The following PCDHA3 variants were observed in gnomAD, a reference collection of about 807,000 sequenced individuals.
The protein encoded by PCDHA3 is protocadherin alpha-3.
A neutral mutation model predicts 62.2 loss-of-function variants in PCDHA3; 41 were observed. That is an observed-to-expected ratio of 0.66 (90% confidence interval 0.51 to 0.86). The LOEUF (loss-of-function observed/expected upper bound fraction) is 0.86, where lower values mean the gene tolerates loss of function less well. Ranked by LOEUF, PCDHA3 falls within the 40% of genes least tolerant of loss-of-function variation. PCDHA3 has a pLI of 0.00. For synonymous variants in PCDHA3, 640 were observed against 555.4 expected (o/e 1.15, Z -2.14); for missense variants, 1,304 against 1,241.2 (o/e 1.05, Z -0.76).
chr5:140,871,298 C>G (rs987284077), intron 1 of PCDHA3: 1 of 1,613,894 alleles, frequency 6.2e-7, no homozygotes, highest in Non-Finnish European at 8.5e-7. Flanking sequence ...GGCGCGTGCG[C>G]GCCGGGGAAG....
Position 140,851,603 on chromosome 5 carries a change from A to C in PCDHA3, c.2394+48012A>C, listed in dbSNP as rs1213150378. 1.6e-5 allele frequency: 15 copies of C among 916,732 alleles called. No individual in the cohort carries two copies. In the African/African-American group the frequency reaches 2.5e-4, roughly 15 times the overall value. The allele number at this position is 916,732 out of a possible 1,614,324, so 56.8% of individuals were successfully genotyped here. On this transcript the variant is annotated intron_variant, in intron 1 of 3. Coordinates refer to ENST00000522353, the MANE Select transcript of PCDHA3 (RefSeq NM_018906.3). ...ACATTTTTTGAAATTCAGTTTACAG[A>C]AATTGGAGAAAATGCTTTTTAAACA...
intron 1 of PCDHA3, chr5:140,856,917 G>T: frequency 6.3e-7 from 1 of 1,595,592 alleles, no homozygotes; most frequent in South Asian, 1.1e-5. Flanking sequence ...ACGATAAGAA[G>T]GAAATTTTGG....
intron 1 of PCDHA3, among the ~76,000 whole-genome samples, chr5:140,881,902 A>T (rs2058862295): frequency 6.6e-6 from 1 of 152,262 alleles, no homozygotes; most frequent in African/African-American, 2.4e-5. Flanking sequence ...GTCAGCTAAT[A>T]TAAAATGTTG....
chr5:140,969,305 A>C (rs1481597194), intron 1 of PCDHA3: 1 of 1,614,206 alleles, frequency 6.2e-7, no homozygotes, highest in East Asian at 2.2e-5. Flanking sequence ...GATTATTCTC[A>C]AAAATGAGGC....
At chr5:140,924,901 A>AATAAAATAAAAT (rs145282866) in intron 1 of PCDHA3, among the ~76,000 whole-genome samples, 7 of 80,504 alleles carry the variant, frequency 8.7e-5, no homozygotes, top group Middle Eastern at 6.1e-3. Context: ...TCTCAAAAAA[A>AATAAAATAAAAT]AAAATAAAAT....
chr5:140,998,017 C>T (rs555584429), intron 3 of PCDHA3, among the ~76,000 whole-genome samples: 67 of 152,292 alleles, frequency 4.4e-4, no homozygotes, highest in African/African-American at 1.4e-3. Context: ...ATCCCCACCT[C>T]GAGCTAGTGC....
At chr5:140,851,088 A>G in intron 1 of PCDHA3, 2 of 1,298,258 alleles carry the variant, frequency 1.5e-6, no homozygotes, top group Non-Finnish European at 2.0e-6. Flanking sequence ...TGTATATTAA[A>G]TAGATATTTT....
intron 1 of PCDHA3, among the ~76,000 whole-genome samples, chr5:140,922,015 A>G (rs1563050158): frequency 6.6e-6 from 1 of 152,098 alleles, no homozygotes; most frequent in Non-Finnish European, 1.5e-5. Context: ...AGTTTAAAAA[A>G]ATAAATATAA....
intron 1 of PCDHA3, chr5:140,842,821 C>A (rs782174276): frequency 1.9e-6 from 3 of 1,593,534 alleles, no homozygotes; most frequent in East Asian, 2.2e-5. Context: ...GGCGGGTGGG[C>A]GAGCGCTCGC....
At chr5:140,861,743 C>T in intron 1 of PCDHA3, 1 of 152,806 alleles carries the variant, frequency 6.5e-6, no homozygotes, top group Non-Finnish European at 1.4e-5. Context: ...CATACTGTGC[C>T]GCAATGATTA....
Position 140,804,963 on chromosome 5 carries a change from C to A in PCDHA3, c.2394+1372C>A, listed in dbSNP as rs371131185. The A allele has an allele frequency of 1.8e-4, 252 of 1,439,372 alleles. 1 individual carries two copies. In the East Asian group the frequency reaches 2.1e-3, roughly 12 times the overall value. The allele number at this position is 1,439,372 out of a possible 1,614,324, so 89.2% of individuals were successfully genotyped here. A position where few individuals can be genotyped will look rare whatever the true frequency, so the allele number is the denominator to read the frequency against. On this transcript the variant is annotated intron_variant, in intron 1 of 3. Transcript: ENST00000522353. ...TGCTCCCTTGTCCATGAAGTAGTAG[C>A]CATAGTGTGTCCATCTCAGGTCAGT...
At chr5:140,976,330 T>C (rs139191853) in intron 1 of PCDHA3, among the ~76,000 whole-genome samples, 1 of 152,088 alleles carries the variant, frequency 6.6e-6, no homozygotes, top group Non-Finnish European at 1.5e-5. Flanking sequence ...GAGGGTGGAT[T>C]GCCTGAGGTC....
intron 1 of PCDHA3, among the ~76,000 whole-genome samples, chr5:140,971,680 A>C (rs185214999): frequency 1.1e-4 from 17 of 152,268 alleles, no homozygotes; most frequent in African/African-American, 4.1e-4. Context: ...AGAGTAAGGG[A>C]ATTTGTACTC....
At chr5:140,974,905 A>G (rs1276795577) in intron 1 of PCDHA3, among the ~76,000 whole-genome samples, 2 of 152,208 alleles carry the variant, frequency 1.3e-5, no homozygotes, top group African/African-American at 4.8e-5. Context: ...TTTGTAACAA[A>G]TTACCACAAG....
At chr5:140,855,644 T>C (rs1324111294) in intron 1 of PCDHA3, among the ~76,000 whole-genome samples, 7 of 149,848 alleles carry the variant, frequency 4.7e-5, no homozygotes, top group African/African-American at 1.7e-4. Flanking sequence ...TTGATAATCA[T>C]GTGGTTAGGG....
intron 1 of PCDHA3, chr5:140,967,037 G>C (rs1429896772): frequency 2.5e-6 from 4 of 1,611,378 alleles, no homozygotes; most frequent in South Asian, 1.1e-5. Flanking sequence ...GCGCTACCTG[G>C]AGCTGGACCT....
intron 1 of PCDHA3, chr5:140,851,511 T>C (rs2042080638): frequency 2.8e-5 from 25 of 901,700 alleles, no homozygotes; most frequent in Non-Finnish European, 3.2e-5. Flanking sequence ...ATATAAAATA[T>C]GTTTTAAAAT....
Position 140,801,735 on chromosome 5 carries a change from T to A in PCDHA3, c.538T>A (p.Leu180Met), listed in dbSNP as rs371671577. The A allele has an allele frequency of 8.1e-6, 13 of 1,613,984 alleles. No individual in the cohort carries two copies. The highest frequency in any genetic ancestry group is 1.1e-5 in the Non-Finnish European group (13 of 1,180,024). Residue 180 changes from leucine (L) to methionine (M), a missense_variant, in exon 1 of 4, where the codon TTG (leucine) becomes ATG (methionine). Transcript: ENST00000522353. Reference protein sequence around the residue: ...YSLDSTEYFTLDVKRNDEEIK... With the variant: ...YSLDSTEYFTMDVKRNDEEIK... ...TCTTGATTCCACTGAATATTTTACC[T>A]TGGACGTTAAAAGAAATGATGAGGA...
At chr5:140,941,563 C>T (rs2093116700) in intron 1 of PCDHA3, among the ~76,000 whole-genome samples, 1 of 151,946 alleles carries the variant, frequency 6.6e-6, no homozygotes, top group Admixed American at 6.6e-5. Context: ...GATCCATTCG[C>T]CTCAGCCTCC....
Sources: gnomAD v4.1 joint callset for allele counts (sites outside exome capture counted in the v4.1 genomes callset) on GRCh38, gnomAD v4.1.1 for gene constraint, MANE v1.5 for transcripts, NCBI Gene and HGNC (gene_info 2026-07-23, HGNC 2026-07-21) for gene names.